The following MED26 variants were observed in gnomAD, a reference collection of about 807,000 sequenced individuals.
The protein encoded by MED26 is mediator of RNA polymerase II transcription subunit 26.
MED26 carries 7 observed loss-of-function variants against 43.7 expected under a neutral mutation model. That is an observed-to-expected ratio of 0.16 (90% CI 0.09 to 0.30). The LOEUF (loss-of-function observed/expected upper bound fraction) is 0.30, where lower values mean the gene tolerates loss of function less well. Among genes scored for constraint, MED26 ranks in the 10% least tolerant of loss-of-function variants. The probability of loss-of-function intolerance (pLI) is 1.00; values close to 1 mark genes in which losing one functional copy is unlikely to be tolerated. For missense variants in MED26, 784 were observed against 840.6 expected, an observed-to-expected ratio of 0.93 and a Z score of 0.83; for synonymous variants, 375 against 371.1, an observed-to-expected ratio of 1.01 and a Z score of -0.12.
chr19:16,609,680 G>C (rs1277215947), intron 1 of MED26, among the ~76,000 whole-genome samples: 1 of 151,922 alleles, frequency 6.6e-6, no homozygotes, highest in African/African-American at 2.4e-5. Context: ...TTGAAATAGA[G>C]TCTGAATGAA....
chr19:16,582,093 A>G (rs557733084), intron 1 of MED26, among the ~76,000 whole-genome samples: 6 of 152,378 alleles, frequency 3.9e-5, no homozygotes, highest in Non-Finnish European at 7.3e-5. Context: ...TCTGAGCCCT[A>G]GAGCCTGAGA....
chr19:16,584,988 G>A (rs2086064153), intron 1 of MED26, among the ~76,000 whole-genome samples: 1 of 152,158 alleles, frequency 6.6e-6, no homozygotes, highest in African/African-American at 2.4e-5. Flanking sequence ...CCCCTGAGTG[G>A]GGCAGCAAGG....
intron 1 of MED26, among the ~76,000 whole-genome samples, chr19:16,617,269 T>C (rs2086230616): frequency 6.6e-6 from 1 of 152,050 alleles, no homozygotes; most frequent in South Asian, 2.1e-4. Context: ...AGGCCAGGGT[T>C]TTCACCATTT....
Position 16,586,465 on chromosome 19 carries a change from C to G in MED26, c.73-8056G>C, listed in dbSNP as rs1005547989. ...TGGTGATGTCGGCACTCTGTAAAGA[C>G]TCTCCTGACGTGCTCCTGCAGTGAA... On this transcript the variant is annotated intron_variant, in intron 1 of 2. Coordinates refer to ENST00000263390, the MANE Select transcript of MED26 (RefSeq NM_004831.5). The surrounding 1 kb of genome is among the most constrained non-coding windows in gnomAD (Gnocchi z 5.1). 2.0e-5 allele frequency among the ~76,000 whole-genome samples: 3 copies of G among 152,246 alleles called. No homozygotes were observed. Among genetic ancestry groups the G allele is most frequent in the Non-Finnish European group, 4.4e-5 (3 of 68,038 alleles).
intron 1 of MED26, among the ~76,000 whole-genome samples, chr19:16,610,147 CT>C (rs770141947): frequency 6.6e-5 from 10 of 151,852 alleles, no homozygotes; most frequent in Non-Finnish European, 1.5e-4. Context: ...GTAGTTCCAG[CT>C]ACTTGGGAGG....
At chr19:16,589,794 C>T (rs1258456179) in intron 1 of MED26, among the ~76,000 whole-genome samples, 1 of 152,200 alleles carries the variant, frequency 6.6e-6, no homozygotes, top group Non-Finnish European at 1.5e-5. Context: ...AAATAACCTA[C>T]TGTGTGTGAA....
rs2086293213 is a variant in MED26, at chr19:16,628,159, G to GAGCCGCCGC, written c.-225_-217dup. Reference sequence around the variant, plus strand: ...ACCAAAGGAGGAGGAGGAGCCGCCGGAGCCGCCGCCGCTCGCTGCCGCCGC... The same window carrying GAGCCGCCGC: ...ACCAAAGGAGGAGGAGGAGCCGCCGGAGCCGCCGCAGCCGCCGCCGCTCGCTGCCGCCGC... On this transcript the variant is annotated 5_prime_UTR_variant, in exon 1 of 3. Coordinates refer to ENST00000263390, the MANE Select transcript of MED26 (RefSeq NM_004831.5). The GAGCCGCCGC allele has an allele frequency of 5.5e-6, 2 of 363,578 alleles. No homozygotes were observed. The highest frequency in any genetic ancestry group is 4.7e-5 in the Admixed American group (1 of 21,168). 22.5% of individuals were successfully genotyped at this position (363,578 alleles called of 1,614,324 possible).
At position 16,576,319 on chromosome 19, in the gene MED26, G is replaced by T; in HGVS notation, c.1511C>A (p.Thr504Asn). Residue 504 changes from threonine (T) to asparagine (N), a missense_variant, in exon 3 of 3, where the codon ACC becomes AAC. Thr to Asn is a moderately conservative substitution (Grantham distance 65, BLOSUM62 0). This residue lies in a region of MED26 where 719 missense variants were observed against 730.9 expected (regional missense o/e 0.98). Coordinates refer to ENST00000263390, the MANE Select transcript of MED26 (RefSeq NM_004831.5). This position sits in a 1 kb window ranked among gnomAD's most constrained non-coding sequence, Gnocchi z 6.8. ...AGACATGAAGTGGTGAGCCCCTGGG[G>T]TCTGCGCGCCCGATGATGAGAGCAG... ...SSLLSSSGAQ[T>N]PGAHHFMSEY... The T allele has an allele frequency of 6.2e-7, 1 of 1,613,592 alleles. No homozygotes were observed. The highest frequency in any genetic ancestry group is 8.5e-7 in the Non-Finnish European group (1 of 1,180,032).
At chr19:16,597,456 A>T (rs760714226) in intron 1 of MED26, 1 of 398,626 alleles carries the variant, frequency 2.5e-6, no homozygotes, top group South Asian at 1.3e-4. Flanking sequence ...CGCACTTCCT[A>T]AACAGGTAAC....
chr19:16,612,692 C>A (rs910682673), intron 1 of MED26, among the ~76,000 whole-genome samples: 1 of 152,228 alleles, frequency 6.6e-6, no homozygotes, highest in Admixed American at 6.5e-5. Flanking sequence ...TCCCCACCTG[C>A]AACTGCAGCA....
At chr19:16,585,709 C>T (rs1244091142) in intron 1 of MED26, among the ~76,000 whole-genome samples, 1 of 152,202 alleles carries the variant, frequency 6.6e-6, no homozygotes, top group East Asian at 1.9e-4. Context: ...CTCCGGAGTC[C>T]GGAAGACTAG....
intron 1 of MED26, among the ~76,000 whole-genome samples, chr19:16,613,174 T>C (rs149394002): frequency 1.3e-5 from 2 of 152,358 alleles, no homozygotes; most frequent in Non-Finnish European, 2.9e-5. Context: ...GACGGAGCTG[T>C]AGAGATTCGA....
intron 1 of MED26, among the ~76,000 whole-genome samples, chr19:16,599,685 G>C (rs2086139408): frequency 6.6e-6 from 1 of 152,014 alleles, no homozygotes; most frequent in Non-Finnish European, 1.5e-5. Context: ...AGGCTTAACG[G>C]ATTCCCTCAG....
intron 1 of MED26, 59 bp from the exon 2 acceptor site, chr19:16,578,468 C>A: frequency 6.6e-7 from 1 of 1,522,520 alleles, no homozygotes; most frequent in Non-Finnish European, 9.1e-7. Context: ...GAGGCTGGAA[C>A]ACCCTGCCCC....
At chr19:16,627,682 G>A (rs941170745) in intron 1 of MED26, among the ~76,000 whole-genome samples, 190 bp downstream of exon 1, 7 of 152,246 alleles carry the variant, frequency 4.6e-5, no homozygotes, top group African/African-American at 1.2e-4. Context: ...CTCACGTACC[G>A]AGCGCTGCCG....
In MED26 at chr19:16,587,547, G is replaced by T. The variant is rs1279587987; in HGVS notation, c.73-9138C>A. The T allele has an allele frequency of 1.3e-5, 2 of 152,244 alleles. No individual in the cohort carries two copies. The highest frequency in any genetic ancestry group is 3.8e-4 in the East Asian group (2 of 5,196). 9.4% of individuals were successfully genotyped at this position (152,244 alleles called of 1,614,324 possible). A position where few individuals can be genotyped will look rare whatever the true frequency, so the allele number is the denominator to read the frequency against. On this transcript the variant is annotated intron_variant, in intron 1 of 2. Coordinates refer to ENST00000263390, the MANE Select transcript of MED26 (RefSeq NM_004831.5). This position sits in a 1 kb window ranked among gnomAD's most constrained non-coding sequence, Gnocchi z 4.9. ...CCAGGGGCAAAGCCTCAAGTTCACAGCTTCTCAGAGGAAGAATGACACTGG... is the reference window on the plus strand; with the variant it reads ...CCAGGGGCAAAGCCTCAAGTTCACATCTTCTCAGAGGAAGAATGACACTGG...
chr19:16,583,167 A>G (rs548825119), intron 1 of MED26, among the ~76,000 whole-genome samples: 2 of 152,354 alleles, frequency 1.3e-5, no homozygotes, highest in Non-Finnish European at 2.9e-5. Flanking sequence ...CCGATGGCCA[A>G]TTGCAGCCTC....
intron 1 of MED26, among the ~76,000 whole-genome samples, chr19:16,613,530 G>A (rs909283317): frequency 3.3e-5 from 5 of 152,104 alleles, no homozygotes; most frequent in South Asian, 2.1e-4. Context: ...GGCGCTTGAC[G>A]GGCACTGTCT....
At position 16,576,501 on chromosome 19, in the gene MED26, C is replaced by T. The variant is rs375959752; in HGVS notation, c.1329G>A (p.Val443=). ...CCATGTGCACAGGGCTGTCTGCCCG[C>T]ACTGGCTCTTTCTGGGTCAGAGGTT... ...QIKPLTQKEP[V]RADSPVHMEQ... The change falls in exon 3 of 3, where the codon GTG becomes GTA. Residue 443 remains valine (V), a synonymous_variant. Coordinates refer to ENST00000263390, the MANE Select transcript of MED26 (RefSeq NM_004831.5). This position sits in a 1 kb window ranked among gnomAD's most constrained non-coding sequence, Gnocchi z 6.8. 2 of 1,614,238 alleles carry T rather than the reference C, an allele frequency of 1.2e-6. No homozygotes were observed. The highest frequency in any genetic ancestry group is 1.7e-6 in the Non-Finnish European group (2 of 1,180,054).
Sources: allele counts gnomAD v4.1 joint callset (sites outside exome capture counted in the v4.1 genomes callset), GRCh38; gene constraint gnomAD v4.1.1; regional missense constraint gnomAD v4.1.1; non-coding constraint Gnocchi (gnomAD v3.1); transcripts MANE v1.5; gene names NCBI Gene and HGNC (gene_info 2026-07-23, HGNC 2026-07-21).